The following INTS2 variants were observed in gnomAD, a reference collection of about 807,000 sequenced individuals.
INTS2 encodes the protein integrator complex subunit 2.
A neutral mutation model predicts 139.6 loss-of-function variants in INTS2; 57 were observed. The observed-to-expected ratio is 0.41, with a 90% CI of 0.33 to 0.51. The LOEUF (loss-of-function observed/expected upper bound fraction) is 0.51, where lower values mean the gene tolerates loss of function less well. Among genes scored for constraint, INTS2 ranks in the 20% least tolerant of loss-of-function variants. INTS2 has a pLI of 0.28. For synonymous variants in INTS2, 473 were observed against 493.4 expected (o/e 0.96, Z 0.55); for missense variants, 1,196 against 1,436.7 (o/e 0.83, Z 2.71).
intron 7 of INTS2, among the ~76,000 whole-genome samples, chr17:61,908,443 A>G (rs2079489566): frequency 1.3e-5 from 2 of 152,126 alleles, no homozygotes; most frequent in Non-Finnish European, 2.9e-5. Context: ...TTACAATTCT[A>G]TAACCACTAC....
At chr17:61,885,880 C>G (rs975740004) in intron 15 of INTS2, among the ~76,000 whole-genome samples, 17 of 151,650 alleles carry the variant, frequency 1.1e-4, no homozygotes, top group Non-Finnish European at 1.8e-4. Context: ...AAGCGCCCAC[C>G]ACCACGCCCA....
intron 5 of INTS2, among the ~76,000 whole-genome samples, chr17:61,916,205 C>G (rs1050818226): frequency 6.6e-6 from 1 of 151,990 alleles, no homozygotes; most frequent in African/African-American, 2.4e-5. Context: ...TAGGCTGAGG[C>G]GGGCAGACCA....
Position 61,897,406 on chromosome 17 carries a change from A to G in INTS2, c.1494+63T>C. On this transcript the variant is annotated intron_variant, in intron 11 of 24. Transcript: ENST00000251334. The surrounding 1 kb of genome is among the most constrained non-coding windows in gnomAD (Gnocchi z 4.4). Reference sequence around the variant, plus strand: ...TAAATGAAAACAATCTATTTACACTACAACAAAATGTCCAGCTTAGAAACA... The same window carrying G: ...TAAATGAAAACAATCTATTTACACTGCAACAAAATGTCCAGCTTAGAAACA... 1 of 950,640 alleles carries G rather than the reference A, an allele frequency of 1.1e-6. No homozygotes were observed. Among genetic ancestry groups the G allele is most frequent in the Non-Finnish European group, 1.6e-6 (1 of 633,206 alleles). The allele number at this position is 950,640 out of a possible 1,614,324, so 58.9% of individuals were successfully genotyped here.
rs1201499478 is a variant in INTS2, at chr17:61,870,995, ATATT to A, written c.2779-1011_2779-1008del. 2.6e-5 allele frequency among the ~76,000 whole-genome samples: 4 copies of A among 152,232 alleles called. No homozygotes were observed. The highest frequency in any genetic ancestry group is 9.6e-5 in the African/African-American group (4 of 41,458). ...GGTTATAAAAATTAAATGAGCTAAT[ATATT>A]TAAAGAACTTAGGCTAGCACCTACC... On this transcript the variant is annotated intron_variant, in intron 20 of 24. Transcript: ENST00000251334. This position sits in a 1 kb window ranked among gnomAD's most constrained non-coding sequence, Gnocchi z 4.4.
Position 61,868,542 on chromosome 17 carries a change from T to C in INTS2, c.3244+492A>G, listed in dbSNP as rs1253113976. The stretch of plus-strand genomic sequence containing the variant: ...TTATAGTTCATATATTTTAAAGTAG[T>C]TTATTTTCAGACCATTTTATTCTAC... On this transcript the variant is annotated intron_variant, in intron 23 of 24. Coordinates refer to ENST00000251334, the MANE Select transcript of INTS2 (RefSeq NM_001351695.2). This position sits in a 1 kb window ranked among gnomAD's most constrained non-coding sequence, Gnocchi z 4.7. Among the ~76,000 whole-genome samples, 1 of 152,174 alleles carries C rather than the reference T, an allele frequency of 6.6e-6. No homozygotes were observed. Among genetic ancestry groups the C allele is most frequent in the East Asian group, 1.9e-4 (1 of 5,202 alleles).
intron 9 of INTS2, among the ~76,000 whole-genome samples, chr17:61,898,354 G>A (rs1342345003): frequency 1.3e-5 from 2 of 152,088 alleles, no homozygotes; most frequent in Non-Finnish European, 2.9e-5. Context: ...GAGTGCAGTG[G>A]CGCAATCATA....
intron 14 of INTS2, among the ~76,000 whole-genome samples, chr17:61,890,898 C>T (rs866192642): frequency 1.4e-5 from 2 of 139,760 alleles, no homozygotes; most frequent in East Asian, 2.2e-4. Context: ...GCAGGAGAAT[C>T]GCTTGAACCC....
chr17:61,914,566 G>A (rs1252996302), intron 5 of INTS2, among the ~76,000 whole-genome samples: 2 of 151,994 alleles, frequency 1.3e-5, no homozygotes, highest in East Asian at 1.9e-4. Context: ...CGGGCGTGGT[G>A]GTGGCGGGCG....
At chr17:61,916,021 AAG>A (rs1374927270) in intron 5 of INTS2, among the ~76,000 whole-genome samples, 1 of 152,124 alleles carries the variant, frequency 6.6e-6, no homozygotes. Flanking sequence ...CACAGCAAAA[AAG>A]AGCCTGAATA....
At position 61,911,529 on chromosome 17, in the gene INTS2, A is replaced by C; in HGVS notation, c.945T>G (p.Asn315Lys). 1 of 1,613,950 alleles carries C rather than the reference A, an allele frequency of 6.2e-7. No homozygotes were observed. Among genetic ancestry groups the C allele is most frequent in the Non-Finnish European group, 8.5e-7 (1 of 1,179,864 alleles). Residue 315 changes from asparagine to lysine, a missense_variant, in exon 7 of 25, where the codon AAT becomes AAG. Asn to Lys is a moderately conservative substitution (Grantham distance 94). This residue lies in a region of INTS2 where 1,129 missense variants were observed against 1,341.9 expected (regional missense o/e 0.84). Coordinates refer to ENST00000251334, the MANE Select transcript of INTS2 (RefSeq NM_001351695.2). ...VRTWFGTFIR[N>K]GQQRKRETSS... ...GATATTTAACCCTCACCTGCTGTCC[A>C]TTTCGGATAAAAGTTCCAAACCAAG...
chr17:61,896,497 C>T (rs898425639), intron 11 of INTS2, among the ~76,000 whole-genome samples: 2 of 151,936 alleles, frequency 1.3e-5, no homozygotes, highest in Admixed American at 6.6e-5. Flanking sequence ...AATTTCAATA[C>T]TGGGTAAAAT....
chr17:61,886,079 G>C, intron 15 of INTS2, among the ~76,000 whole-genome samples: 1 of 150,018 alleles, frequency 6.7e-6, no homozygotes, highest in East Asian at 2.0e-4. Flanking sequence ...CCTGAGATGA[G>C]TCACTCTGTC....
rs551136265 is a variant in INTS2 at position 61,871,390 on chromosome 17, G to A, written c.2778+875C>T. 6.6e-6 allele frequency among the ~76,000 whole-genome samples: 1 copy of A among 152,168 alleles called. No individual in the cohort carries two copies. Among genetic ancestry groups the A allele is most frequent in the East Asian group, 1.9e-4 (1 of 5,166 alleles). ...ACCCACCTCAGCCACCCAAAGTGCT[G>A]GGATTATAGGCATGAGCAACCATGC... On this transcript the variant is annotated intron_variant, in intron 20 of 24. Transcript: ENST00000251334. The surrounding 1 kb of genome is among the most constrained non-coding windows in gnomAD (Gnocchi z 4.9).
intron 4 of INTS2, chr17:61,921,129 T>C (rs957402741): frequency 3.3e-5 from 5 of 152,160 alleles, no homozygotes; most frequent in African/African-American, 7.2e-5. Context: ...ACCTATTATA[T>C]ACAATCTGGA....
At chr17:61,881,314 T>C (rs887388985) in intron 16 of INTS2, 143 bp from the exon 17 acceptor site, 3 of 699,414 alleles carry the variant, frequency 4.3e-6, no homozygotes, top group East Asian at 2.8e-5. Context: ...AATGATTAGA[T>C]GGCCGGGCGC....
chr17:61,913,328 A>C (rs986576990), intron 5 of INTS2, among the ~76,000 whole-genome samples: 2 of 151,040 alleles, frequency 1.3e-5, no homozygotes, highest in African/African-American at 2.4e-5. Flanking sequence ...GTGACAGAGC[A>C]AGACTCCGTC....
intron 14 of INTS2, among the ~76,000 whole-genome samples, chr17:61,891,295 A>G (rs2145927543): frequency 6.6e-6 from 1 of 152,176 alleles, no homozygotes; most frequent in South Asian, 2.1e-4. Context: ...CTAGGCAACA[A>G]GAGTAAAACT....
chr17:61,895,616 G>A (rs982472595), intron 11 of INTS2, among the ~76,000 whole-genome samples: 2 of 152,102 alleles, frequency 1.3e-5, no homozygotes, highest in Non-Finnish European at 1.5e-5. Flanking sequence ...GTCGGTTGGG[G>A]GAAACAGATT....
chr17:61,869,460 C>A lies in INTS2; in HGVS notation c.3031-80G>T. 7.2e-6 allele frequency: 8 copies of A among 1,106,662 alleles called. No individual in the cohort carries two copies. Among genetic ancestry groups the A allele is most frequent in the Non-Finnish European group, 7.9e-6 (6 of 763,502 alleles). The allele number at this position is 1,106,662 out of a possible 1,614,324, so 68.6% of individuals were successfully genotyped here. On this transcript the variant is annotated intron_variant, in intron 21 of 24. Coordinates refer to ENST00000251334, the MANE Select transcript of INTS2 (RefSeq NM_001351695.2). The surrounding 1 kb of genome is among the most constrained non-coding windows in gnomAD (Gnocchi z 5.4). The stretch of plus-strand genomic sequence containing the variant: ...AGATAAAAATACAAATGAAAGATTT[C>A]ATTTCCTTTCTGTAAAAATTGCTCA...
Sources: allele counts gnomAD v4.1 joint callset (sites outside exome capture counted in the v4.1 genomes callset), GRCh38; gene constraint gnomAD v4.1.1; regional missense constraint gnomAD v4.1.1; non-coding constraint Gnocchi (gnomAD v3.1); transcripts MANE v1.5; gene names NCBI Gene and HGNC (gene_info 2026-07-23, HGNC 2026-07-21).